Variants in COL8A1 observed in about 807,000 individuals in gnomAD.
COL8A1 encodes the protein collagen alpha-1(VIII) chain.
In COL8A1, 21 loss-of-function variants were observed where a neutral mutation model predicts 42.7. The observed-to-expected ratio is 0.49, with a 90% CI of 0.35 to 0.71. The LOEUF (loss-of-function observed/expected upper bound fraction) is 0.71. Among genes scored for constraint, COL8A1 ranks in the 30% least tolerant of loss-of-function variants. The pLI, the probability that COL8A1 is intolerant of heterozygous loss-of-function variation, is 0.01. For missense variants in COL8A1, 788 were observed against 962.4 expected (o/e 0.82, Z 2.40); for synonymous variants, 367 against 369.1 (o/e 0.99, Z 0.06).
chr3:99,734,396 T>G (rs908294293), intron 1 of COL8A1, among the ~76,000 whole-genome samples: 1 of 148,112 alleles, frequency 6.8e-6, no homozygotes, highest in African/African-American at 2.6e-5. Context: ...GCACCATTTA[T>G]TAAATAGGGA....
chr3:99,772,827 C>G (rs560415489), intron 2 of COL8A1, among the ~76,000 whole-genome samples: 1 of 152,092 alleles, frequency 6.6e-6, no homozygotes, highest in Admixed American at 6.5e-5. Context: ...AGGATATTGC[C>G]AGCCTGAAGA....
At chr3:99,707,286 G>A (rs907122599) in intron 1 of COL8A1, 2 of 152,188 alleles carry the variant, frequency 1.3e-5, no homozygotes, top group African/African-American at 4.8e-5. Context: ...TAAGAGGGTA[G>A]AGCTTCACTG....
At chr3:99,728,119 G>C (rs796951) in intron 1 of COL8A1, among the ~76,000 whole-genome samples, 17 of 151,854 alleles carry the variant, frequency 1.1e-4, no homozygotes, top group African/African-American at 4.1e-4. Context: ...CCTATTCAAC[G>C]TAGTGTTGGA....
In COL8A1 at chr3:99,738,800, A is replaced by G. The variant is rs531766184; in HGVS notation, c.-128-6097A>G. Among the ~76,000 whole-genome samples the G allele has an allele frequency of 9.8e-5, 15 of 152,294 alleles. No individual in the cohort carries two copies. In the South Asian group the frequency reaches 2.9e-3, roughly 29 times the overall value. Reference sequence around the variant, plus strand: ...TTGTTTACCTAATCAAGCCTGAGCAATGGCGGGCACCCCTCCCCCAGCCTC... The same window carrying G: ...TTGTTTACCTAATCAAGCCTGAGCAGTGGCGGGCACCCCTCCCCCAGCCTC... On this transcript the variant is annotated intron_variant, in intron 1 of 3. Transcript: ENST00000652472.
chr3:99,742,887 T>C (rs1940932304), intron 1 of COL8A1, among the ~76,000 whole-genome samples: 1 of 152,118 alleles, frequency 6.6e-6, no homozygotes, highest in South Asian at 2.1e-4. Flanking sequence ...AGAAAAAAAA[T>C]GAATTTTTAG....
chr3:99,771,607 A>C (rs1480105854), intron 2 of COL8A1, among the ~76,000 whole-genome samples: 1 of 152,192 alleles, frequency 6.6e-6, no homozygotes, highest in African/African-American at 2.4e-5. Context: ...GTCATGGTTG[A>C]GCGGGAGCCT....
At chr3:99,787,857 T>C (rs1010712824) in intron 2 of COL8A1, among the ~76,000 whole-genome samples, 8 of 148,788 alleles carry the variant, frequency 5.4e-5, no homozygotes, top group Non-Finnish European at 1.1e-4. Flanking sequence ...AGAACACAAA[T>C]ACACACACAC....
At chr3:99,665,567 A>T (rs1938340221) in intron 1 of COL8A1, among the ~76,000 whole-genome samples, 1 of 151,888 alleles carries the variant, frequency 6.6e-6, no homozygotes, top group South Asian at 2.1e-4. Flanking sequence ...CCAGTTACTT[A>T]TGCCACATAA....
chr3:99,757,408 T>C (rs1247125080), intron 2 of COL8A1, among the ~76,000 whole-genome samples: 2 of 152,126 alleles, frequency 1.3e-5, no homozygotes, highest in Non-Finnish European at 2.9e-5. Context: ...TTCCTACAGA[T>C]TTTATGGGGT....
chr3:99,706,633 T>C (rs1576440470), intron 1 of COL8A1, among the ~76,000 whole-genome samples: 2 of 152,358 alleles, frequency 1.3e-5, no homozygotes, highest in Admixed American at 1.3e-4. Flanking sequence ...TGGTTAGGAC[T>C]GGTTAAGTCC....
In COL8A1 at chr3:99,665,361, T is replaced by G. The variant is rs147244455; in HGVS notation, c.-129+26697T>G. On this transcript the variant is annotated intron_variant, in intron 1 of 3. Coordinates refer to ENST00000652472, the MANE Select transcript of COL8A1 (RefSeq NM_020351.4). ...CCAACTTTCCCCCATCTTTATGTCC[T>G]TTCTCAGATAACATGGAGGAGAGGG... Among the ~76,000 whole-genome samples, 461 of 152,362 alleles carry G rather than the reference T, an allele frequency of 3.0e-3. 2 individuals carry two copies. Among genetic ancestry groups the G allele is most frequent in the African/African-American group, 0.01 (435 of 41,584 alleles).
chr3:99,741,282 TTGG>T (rs1159834817), intron 1 of COL8A1, among the ~76,000 whole-genome samples: 1 of 152,218 alleles, frequency 6.6e-6, no homozygotes, highest in Admixed American at 6.5e-5. Flanking sequence ...TATTTTTTTC[TTGG>T]TGATTTGTAA....
At chr3:99,728,192 A>G (rs1294519948) in intron 1 of COL8A1, among the ~76,000 whole-genome samples, 1 of 152,064 alleles carries the variant, frequency 6.6e-6, no homozygotes, top group Non-Finnish European at 1.5e-5. Context: ...GGAAAAGAGG[A>G]AGTCAAATTG....
At position 99,795,803 on chromosome 3, in the gene COL8A1, G is replaced by A. The variant is rs1209316429; in HGVS notation, c.1902G>A (p.Lys634=). 1 of 1,614,148 alleles carries A rather than the reference G, an allele frequency of 6.2e-7. No homozygotes were observed. The highest frequency in any genetic ancestry group is 2.2e-5 in the East Asian group (1 of 44,884). The change falls in exon 4 of 4, where the codon AAG becomes AAA. Residue 634 remains lysine, a synonymous_variant. Transcript: ENST00000652472. ...TCCCACCGGTGGGGGCCCCAGTGAA[G>A]TTTAACAAACTGCTGTATAACGGCA... is the stretch of plus-strand genomic sequence containing the variant. ...APFPPVGAPV[K]FNKLLYNGRQ... is the part of the protein sequence containing the mutation.
chr3:99,739,462 C>T (rs577071593), intron 1 of COL8A1, among the ~76,000 whole-genome samples: 58 of 152,364 alleles, frequency 3.8e-4, no homozygotes, highest in South Asian at 2.9e-3. Context: ...CCATGAGGGC[C>T]TCGCCCCTGC....
chr3:99,668,033 A>G (rs572216173), intron 1 of COL8A1, among the ~76,000 whole-genome samples: 1 of 152,290 alleles, frequency 6.6e-6, no homozygotes, highest in African/African-American at 2.4e-5. Context: ...TGAGTTAATA[A>G]TGATTTTCCT....
intron 1 of COL8A1, among the ~76,000 whole-genome samples, chr3:99,672,638 T>A (rs530726404): frequency 4.7e-4 from 72 of 152,136 alleles, no homozygotes; most frequent in African/African-American, 1.7e-3. Flanking sequence ...CTTACACTTA[T>A]TTTTAAGTCT....
intron 1 of COL8A1, among the ~76,000 whole-genome samples, chr3:99,661,038 T>A (rs1371590518): frequency 2.0e-5 from 3 of 152,138 alleles, no homozygotes; most frequent in Non-Finnish European, 4.4e-5. Flanking sequence ...AGACGGTGAA[T>A]TAGTAATTCC....
chr3:99,664,443 G>A (rs1857291), intron 1 of COL8A1, among the ~76,000 whole-genome samples: 2,538 of 151,468 alleles, frequency 0.017, 79 homozygotes, highest in African/African-American at 0.058. Context: ...GCTCAATCCC[G>A]TTTAAAACTG....
Sources: gnomAD v4.1 joint callset for allele counts (sites outside exome capture counted in the v4.1 genomes callset) on GRCh38, gnomAD v4.1.1 for gene constraint, MANE v1.5 for transcripts, NCBI Gene and HGNC (gene_info 2026-07-23, HGNC 2026-07-21) for gene names.